GALNTL6: variants seen among roughly 807,000 people sequenced by gnomAD.
GALNTL6 encodes polypeptide N-acetylgalactosaminyltransferase like 6, also known as polypeptide N-acetylgalactosaminyltransferase-like 6.
In GALNTL6, 46 loss-of-function variants were observed where a neutral mutation model predicts 73.7. The ratio of observed to expected loss-of-function variants is 0.62; its 90% CI spans 0.49 to 0.80. The LOEUF is 0.80. Among genes scored for constraint, GALNTL6 ranks in the 30% least tolerant of loss-of-function variants. GALNTL6 has a pLI of 0.00. For missense variants in GALNTL6, 604 were observed against 755.0 expected, an observed-to-expected ratio of 0.80 and a Z score of 2.34; for synonymous variants, 259 against 263.7, an observed-to-expected ratio of 0.98 and a Z score of 0.17.
intron 5 of GALNTL6, chr4:172,668,505 C>G (rs190771389): frequency 6.6e-6 from 1 of 152,112 alleles, no homozygotes; most frequent in South Asian, 2.1e-4. Flanking sequence ...AAGCTGAGAG[C>G]AAAATCACAG....
intron 5 of GALNTL6, among the ~76,000 whole-genome samples, chr4:172,681,554 A>G (rs952626332): frequency 1.3e-5 from 2 of 152,206 alleles, no homozygotes; most frequent in Non-Finnish European, 2.9e-5. Flanking sequence ...TAGCTCATAA[A>G]TTACTTTCAT....
chr4:171,986,804 G>A (rs532564268), intron 2 of GALNTL6, among the ~76,000 whole-genome samples: 1 of 152,292 alleles, frequency 6.6e-6, no homozygotes, highest in South Asian at 2.1e-4. Flanking sequence ...GGACGACCCA[G>A]GACATCTGAT....
At chr4:172,278,402 A>G (rs186097155) in intron 3 of GALNTL6, among the ~76,000 whole-genome samples, 49 of 152,272 alleles carry the variant, frequency 3.2e-4, no homozygotes, top group Admixed American at 1.0e-3. Context: ...TAAAATATCT[A>G]TCCTGTCTGA....
chr4:172,384,118 T>G (rs1007554002), intron 5 of GALNTL6, among the ~76,000 whole-genome samples: 2 of 152,164 alleles, frequency 1.3e-5, no homozygotes, highest in African/African-American at 2.4e-5. Context: ...ATACACAGAA[T>G]AAGTTGAAAG....
chr4:172,853,849 T>C (rs1743972919), intron 7 of GALNTL6, among the ~76,000 whole-genome samples: 1 of 152,202 alleles, frequency 6.6e-6, no homozygotes, highest in Non-Finnish European at 1.5e-5. Flanking sequence ...CTATGTAGTA[T>C]TGGCAAAGTA....
At chr4:171,840,062 C>G (rs1041312916) in intron 2 of GALNTL6, among the ~76,000 whole-genome samples, 1 of 152,036 alleles carries the variant, frequency 6.6e-6, no homozygotes, top group Non-Finnish European at 1.5e-5. Flanking sequence ...GAAGTAGTGC[C>G]GGCCAGGGAT....
chr4:172,729,794 G>A (rs1736041453), intron 5 of GALNTL6, among the ~76,000 whole-genome samples: 1 of 152,096 alleles, frequency 6.6e-6, no homozygotes, highest in Non-Finnish European at 1.5e-5. Context: ...TGATAGGATT[G>A]CATTGAATAT....
chr4:172,334,983 CTT>C (rs34428087), intron 4 of GALNTL6, among the ~76,000 whole-genome samples: 12 of 141,574 alleles, frequency 8.5e-5, no homozygotes, highest in Non-Finnish European at 1.4e-4. Context: ...AATCATATGA[CTT>C]TTTTTTTTTT....
chr4:171,888,661 A>G (rs2110922657), intron 2 of GALNTL6, among the ~76,000 whole-genome samples: 1 of 152,222 alleles, frequency 6.6e-6, no homozygotes, highest in South Asian at 2.1e-4. Flanking sequence ...CAAACTTGAC[A>G]GAGAAAAAAG....
At position 172,494,703 on chromosome 4, in the gene GALNTL6, C is replaced by G. The variant is rs112432827; in HGVS notation, c.553+146014C>G. Among the ~76,000 whole-genome samples the G allele has an allele frequency of 7.5e-3, 1,135 of 152,262 alleles. 17 individuals are homozygous for G. The highest frequency in any genetic ancestry group is 0.026 in the African/African-American group (1,066 of 41,534). ...TGGCATAAGTCCAAGAGAGCAAAAG[C>G]TGAAGAACTTGGAGTCTGATGTTCA... On this transcript the variant is annotated intron_variant, in intron 5 of 12. Coordinates refer to ENST00000506823, the MANE Select transcript of GALNTL6 (RefSeq NM_001034845.3).
At chr4:172,429,198 A>G (rs1350209369) in intron 5 of GALNTL6, among the ~76,000 whole-genome samples, 3 of 145,488 alleles carry the variant, frequency 2.1e-5, no homozygotes, top group Admixed American at 7.0e-5. Context: ...ATTTTATATT[A>G]TTTTATTTTA....
intron 5 of GALNTL6, among the ~76,000 whole-genome samples, chr4:172,700,293 C>T (rs1455522677): frequency 6.6e-6 from 1 of 152,002 alleles, no homozygotes; most frequent in Non-Finnish European, 1.5e-5. Flanking sequence ...AAGAAAAATG[C>T]AGTGGACATT....
At chr4:172,116,500 G>T (rs1035985949) in intron 2 of GALNTL6, among the ~76,000 whole-genome samples, 1 of 151,960 alleles carries the variant, frequency 6.6e-6, no homozygotes, top group African/African-American at 2.4e-5. Flanking sequence ...CAAACTCCTC[G>T]TCTCAGTGAT....
intron 5 of GALNTL6, among the ~76,000 whole-genome samples, chr4:172,469,044 T>TGA (rs1732941995): frequency 6.6e-6 from 1 of 152,100 alleles, no homozygotes; most frequent in Non-Finnish European, 1.5e-5. Flanking sequence ...GTTCTGCAAA[T>TGA]GAGGACTCTT....
rs186671240 is a variant in GALNTL6 at position 171,846,076 on chromosome 4, G to A, written c.138+31358G>A. 2.8e-3 allele frequency among the ~76,000 whole-genome samples: 430 copies of A among 152,166 alleles called. 6 individuals carry two copies. Among genetic ancestry groups the A allele is most frequent in the South Asian group, 0.025 (122 of 4,818 alleles). On this transcript the variant is annotated intron_variant, in intron 2 of 12. Coordinates refer to ENST00000506823, the MANE Select transcript of GALNTL6 (RefSeq NM_001034845.3). ...ATATTGCCTTTCCCATTTATTTTATGACAGATATGAGGTTCTAAAATTTTA... is the reference window on the plus strand; with the variant it reads ...ATATTGCCTTTCCCATTTATTTTATAACAGATATGAGGTTCTAAAATTTTA...
chr4:171,973,249 AAGG>A (rs1739622988), intron 2 of GALNTL6, among the ~76,000 whole-genome samples: 1 of 152,176 alleles, frequency 6.6e-6, no homozygotes, highest in Non-Finnish European at 1.5e-5. Flanking sequence ...TTGGAGAAAA[AAGG>A]AGGAGGGCGT....
chr4:172,877,062 A>C (rs1745231157), intron 7 of GALNTL6, among the ~76,000 whole-genome samples: 1 of 152,220 alleles, frequency 6.6e-6, no homozygotes, highest in South Asian at 2.1e-4. Context: ...ATTGAAATGA[A>C]TGGAAATTGT....
intron 11 of GALNTL6, among the ~76,000 whole-genome samples, chr4:173,012,919 C>G (rs1412336861): frequency 6.6e-6 from 1 of 152,140 alleles, no homozygotes; most frequent in Non-Finnish European, 1.5e-5. Flanking sequence ...GGGTGGCTCA[C>G]TTGAGGTCAG....
At chr4:172,667,062 T>C (rs562251200) in intron 5 of GALNTL6, 1 of 152,344 alleles carries the variant, frequency 6.6e-6, no homozygotes, top group African/African-American at 2.4e-5. Flanking sequence ...ACTTGCTGCG[T>C]ATGTGGAGTT....
Sources: gnomAD v4.1 joint callset for allele counts (sites outside exome capture counted in the v4.1 genomes callset) on GRCh38, gnomAD v4.1.1 for gene constraint, MANE v1.5 for transcripts, NCBI Gene and HGNC (gene_info 2026-07-23, HGNC 2026-07-21) for gene names.